The following STXBP4 variants were observed in gnomAD, a reference collection of about 807,000 sequenced individuals.
The protein encoded by STXBP4 is syntaxin binding protein 4, also known as syntaxin-binding protein 4.
Under a neutral mutation model 76.1 loss-of-function variants are expected in STXBP4, and 55 were observed. The observed-to-expected ratio is 0.72, with a 90% CI of 0.58 to 0.91. The LOEUF (loss-of-function observed/expected upper bound fraction) is 0.91. Ranked by LOEUF, STXBP4 falls within the 40% of genes least tolerant of loss-of-function variation. STXBP4 has a pLI of 0.00. For missense variants in STXBP4, 618 were observed against 636.9 expected, an observed-to-expected ratio of 0.97 and a Z score of 0.32; for synonymous variants, 201 against 220.2, an observed-to-expected ratio of 0.91 and a Z score of 0.77.
At chr17:54,993,433 A>G (rs1375406660) in intron 4 of STXBP4, among the ~76,000 whole-genome samples, 2 of 152,174 alleles carry the variant, frequency 1.3e-5, no homozygotes, top group South Asian at 2.1e-4. Context: ...GTGAGCTATG[A>G]TTGCATCACT....
chr17:55,118,117 T>G (rs244352), intron 16 of STXBP4, among the ~76,000 whole-genome samples: 1 of 151,696 alleles, frequency 6.6e-6, no homozygotes, highest in African/African-American at 2.4e-5. Flanking sequence ...GAAACAGACA[T>G]GATCCCTACC....
intron 11 of STXBP4, among the ~76,000 whole-genome samples, chr17:55,045,550 AT>A (rs1364373479): frequency 3.9e-5 from 6 of 152,098 alleles, no homozygotes; most frequent in African/African-American, 1.4e-4. Flanking sequence ...TAGAATGTTA[AT>A]TTGAAAGTGT....
chr17:55,055,427 T>C (rs1716317563), intron 12 of STXBP4, among the ~76,000 whole-genome samples: 1 of 152,160 alleles, frequency 6.6e-6, no homozygotes, highest in Non-Finnish European at 1.5e-5. Context: ...TTTTCACCAC[T>C]TCCATCAGTG....
intron 7 of STXBP4, among the ~76,000 whole-genome samples, chr17:55,006,713 T>TTTAAAA (rs1299796397): frequency 6.6e-6 from 1 of 152,222 alleles, no homozygotes; most frequent in African/African-American, 2.4e-5. Flanking sequence ...GTAACCTGTC[T>TTTAAAA]TTAAAATAAG....
chr17:55,189,813 G>A, the STXBP4 span, among the ~76,000 whole-genome samples: 1 of 152,208 alleles, frequency 6.6e-6, no homozygotes, highest in Non-Finnish European at 1.5e-5. Flanking sequence ...GTGATTCAGT[G>A]GGAAGAGTGA....
chr17:55,202,272 T>C, the STXBP4 span, among the ~76,000 whole-genome samples: 2,071 of 152,114 alleles, frequency 0.014, 41 homozygotes, highest in African/African-American at 0.047. Context: ...TTCATATATA[T>C]ATGTTTCTCA....
At chr17:55,053,377 CAT>C (rs2078885401) in intron 12 of STXBP4, among the ~76,000 whole-genome samples, 2 of 151,902 alleles carry the variant, frequency 1.3e-5, no homozygotes, top group Non-Finnish European at 2.9e-5. Context: ...TATTTATACA[CAT>C]ATATGTAATT....
intron 10 of STXBP4, 118 bp from the exon 11 acceptor site, chr17:55,043,118 A>G (rs931946082): frequency 4.5e-6 from 2 of 439,628 alleles, no homozygotes; most frequent in Non-Finnish European, 7.8e-6. Flanking sequence ...CCAACATAAG[A>G]AACTGAATTT....
intron 3 of STXBP4, 138 bp downstream of exon 3, chr17:54,986,404 T>TA: frequency 3.3e-6 from 2 of 607,888 alleles, no homozygotes; most frequent in Non-Finnish European, 5.8e-6. Flanking sequence ...AGTAAAGTAA[T>TA]ACGTTGAATT....
chr17:55,015,534 A>G (rs928328132), intron 8 of STXBP4, among the ~76,000 whole-genome samples: 2 of 152,222 alleles, frequency 1.3e-5, no homozygotes, highest in African/African-American at 4.8e-5. Context: ...AAGCATCAGT[A>G]TAGCCATCAG....
the STXBP4 span, among the ~76,000 whole-genome samples, chr17:55,189,594 GAC>G: frequency 6.6e-6 from 1 of 152,222 alleles, no homozygotes; most frequent in Non-Finnish European, 1.5e-5. Flanking sequence ...GATGGAAGGA[GAC>G]AGTTTAGTCT....
At chr17:54,997,536 CATAA>C (rs2077824151) in intron 4 of STXBP4, among the ~76,000 whole-genome samples, 3 of 138,772 alleles carry the variant, frequency 2.2e-5, no homozygotes, top group East Asian at 2.6e-4. Flanking sequence ...ATATATATAA[CATAA>C]ATATATATAA....
intron 16 of STXBP4, among the ~76,000 whole-genome samples, chr17:55,110,792 A>T (rs1192688294): frequency 6.6e-6 from 1 of 152,202 alleles, no homozygotes; most frequent in African/African-American, 2.4e-5. Context: ...TAGTTTTTTC[A>T]AGTCCTAGCC....
intron 3 of STXBP4, among the ~76,000 whole-genome samples, chr17:54,989,209 G>A (rs958219733): frequency 8.5e-5 from 13 of 152,158 alleles, no homozygotes; most frequent in Non-Finnish European, 1.6e-4. Context: ...CCGGGTTCAC[G>A]CCATTCTCCT....
chr17:55,160,956 A>G lies in STXBP4; in HGVS notation c.*1045A>G, dbSNP rs1228677574. On this transcript the variant is annotated 3_prime_UTR_variant, in exon 18 of 18. Coordinates refer to ENST00000376352, the MANE Select transcript of STXBP4 (RefSeq NM_178509.6). ...GATGGTTTGAGGGGAGCTGATGAGA[A>G]GAGAGGTATCTGTTAAAACATTACT... 6.6e-6 allele frequency: 1 copy of G among 152,166 alleles called. No homozygotes were observed. The highest frequency in any genetic ancestry group is 1.5e-5 in the Non-Finnish European group (1 of 68,046). 9.4% of individuals were successfully genotyped at this position (152,166 alleles called of 1,614,324 possible). A position where few individuals can be genotyped will look rare whatever the true frequency, so the allele number is the denominator to read the frequency against.
chr17:55,151,240 G>T (rs1453503524), intron 17 of STXBP4, among the ~76,000 whole-genome samples: 1 of 152,170 alleles, frequency 6.6e-6, no homozygotes, highest in Non-Finnish European at 1.5e-5. Context: ...GTTAGAAGTA[G>T]AGTGGGGAGG....
chr17:55,178,255 C>T (rs2080438103), downstream of STXBP4, among the ~76,000 whole-genome samples: 1 of 152,230 alleles, frequency 6.6e-6, no homozygotes, highest in South Asian at 2.1e-4. Context: ...AAGTACTTTA[C>T]ACCTATCATC....
At chr17:54,977,709 C>G (rs909475417) in intron 1 of STXBP4, among the ~76,000 whole-genome samples, 1 of 152,092 alleles carries the variant, frequency 6.6e-6, no homozygotes, top group Non-Finnish European at 1.5e-5. Flanking sequence ...CTTAAACAAC[C>G]TTAGGATTAT....
intron 16 of STXBP4, among the ~76,000 whole-genome samples, chr17:55,086,368 C>T (rs1401225270): frequency 6.6e-6 from 1 of 152,120 alleles, no homozygotes; most frequent in Non-Finnish European, 1.5e-5. Flanking sequence ...TATCTATCAT[C>T]TCAAACATTG....
Sources: allele counts gnomAD v4.1 joint callset (sites outside exome capture counted in the v4.1 genomes callset), GRCh38; gene constraint gnomAD v4.1.1; transcripts MANE v1.5; gene names NCBI Gene and HGNC (gene_info 2026-07-23, HGNC 2026-07-21).